RNF213: variants seen among roughly 807,000 people sequenced by gnomAD.
RNF213 encodes E3 ubiquitin-protein ligase RNF213.
RNF213 carries 341 observed loss-of-function variants against 514.4 expected under a neutral mutation model. That is an observed-to-expected ratio of 0.66 (90% CI 0.61 to 0.73). RNF213 has a LOEUF of 0.73. Among genes scored for constraint, RNF213 ranks in the 30% least tolerant of loss-of-function variants. The pLI is 0.00. For missense variants in RNF213, 5,767 were observed against 6,615.6 expected (o/e 0.87, Z 4.45); for synonymous variants, 2,655 against 2,658.2 (o/e 1.00, Z 0.04).
intron 17 of RNF213, among the ~76,000 whole-genome samples, chr17:80,323,207 A>G (rs1031857575): frequency 8.5e-5 from 13 of 152,062 alleles, no homozygotes; most frequent in African/African-American, 3.1e-4. Context: ...ACATGTATGG[A>G]TTTATTTCTA....
At chr17:80,369,206 C>T (rs1286714036) in intron 44 of RNF213, among the ~76,000 whole-genome samples, 1 of 152,120 alleles carries the variant, frequency 6.6e-6, no homozygotes, top group African/African-American at 2.4e-5. Context: ...CGAAACCAGC[C>T]TGGCCAACAC....
chr17:80,278,664 A>T, intron 3 of RNF213: 1 of 1,443,884 alleles, frequency 6.9e-7, no homozygotes, highest in South Asian at 1.3e-5. Flanking sequence ...GGGCCTTCCC[A>T]AGAGGAGGTG....
chr17:80,391,432 A>T (rs1310415158), intron 67 of RNF213, among the ~76,000 whole-genome samples: 1 of 152,018 alleles, frequency 6.6e-6, no homozygotes, highest in Non-Finnish European at 1.5e-5. Context: ...CATCACGCCC[A>T]GCTAATTTTT....
intron 7 of RNF213, among the ~76,000 whole-genome samples, chr17:80,291,279 T>C (rs1313906133): frequency 6.6e-6 from 1 of 151,172 alleles, no homozygotes; most frequent in Non-Finnish European, 1.5e-5. Context: ...TTTTTTTTTT[T>C]AGAGAGGGGA....
At chr17:80,375,102 AAG>A (rs1159961186) in intron 50 of RNF213, 2 of 175,570 alleles carry the variant, frequency 1.1e-5, no homozygotes, top group African/African-American at 4.8e-5. Context: ...GTGCCAGGAA[AAG>A]AGGAAATGGA....
chr17:80,384,865 T>C, intron 59 of RNF213, 174 bp from the exon 60 acceptor site: 2 of 723,812 alleles, frequency 2.8e-6, no homozygotes, highest in Non-Finnish European at 4.8e-6. Context: ...GCACTGTCTG[T>C]AGACTTGTGG....
intron 10 of RNF213, among the ~76,000 whole-genome samples, chr17:80,297,014 G>T (rs917064933): frequency 6.6e-6 from 1 of 151,892 alleles, no homozygotes; most frequent in Non-Finnish European, 1.5e-5. Flanking sequence ...AATAAACGCC[G>T]CACATTTTGA....
At chr17:80,332,769 C>T (rs115969944) in intron 21 of RNF213, 138 bp downstream of exon 21, 2 of 997,600 alleles carry the variant, frequency 2.0e-6, no homozygotes, top group Non-Finnish European at 2.8e-6. Flanking sequence ...GTGTGTGGTA[C>T]TTGAGGCCTG....
rs769500234 is a variant in RNF213 at position 80,380,990 on chromosome 17, A to G, written c.13797+3A>G. 1.2e-6 allele frequency: 2 copies of G among 1,614,180 alleles called. No individual in the cohort carries two copies. The highest frequency in any genetic ancestry group is 1.7e-6 in the Non-Finnish European group (2 of 1,180,012). ...TGGGAGCGTCCCAGAGTTCCCAGGTATAACCCAGTGCTGCCAAACAATGGG... is the reference window on the plus strand; with the variant it reads ...TGGGAGCGTCCCAGAGTTCCCAGGTGTAACCCAGTGCTGCCAAACAATGGG... On this transcript the variant is annotated splice_donor_region_variant and intron_variant, in intron 56 of 67. Coordinates refer to ENST00000582970, the MANE Select transcript of RNF213 (RefSeq NM_001256071.3).
In RNF213 at chr17:80,374,599, G is replaced by A; in HGVS notation, c.13074+10G>A. On this transcript the variant is annotated intron_variant, in intron 50 of 67. Coordinates refer to ENST00000582970, the MANE Select transcript of RNF213 (RefSeq NM_001256071.3). ...TAAGACTGCTCTGAAGGTAGGATGGGCCCGTGGCTTCTCTCTGATACCAGG... is the reference window on the plus strand; with the variant it reads ...TAAGACTGCTCTGAAGGTAGGATGGACCCGTGGCTTCTCTCTGATACCAGG... 1 of 1,613,996 alleles carries A rather than the reference G, an allele frequency of 6.2e-7. No individual in the cohort carries two copies. The highest frequency in any genetic ancestry group is 8.5e-7 in the Non-Finnish European group (1 of 1,179,928).
intron 3 of RNF213, among the ~76,000 whole-genome samples, chr17:80,280,044 C>T (rs2044203227): frequency 6.6e-6 from 1 of 152,198 alleles, no homozygotes; most frequent in African/African-American, 2.4e-5. Flanking sequence ...TCCACCACGC[C>T]TAGGTCTTAA....
intron 6 of RNF213, 145 bp from the exon 7 acceptor site, chr17:80,290,425 G>A: frequency 2.3e-6 from 2 of 861,370 alleles, no homozygotes; most frequent in Non-Finnish European, 3.6e-6. Flanking sequence ...GTGTGTGCGA[G>A]TGTGCGCGTG....
Position 80,317,365 on chromosome 17 carries a change from A to G in RNF213, c.2901+88A>G, listed in dbSNP as rs748500875. On this transcript the variant is annotated intron_variant, in intron 16 of 67. Transcript: ENST00000582970. The surrounding 1 kb of genome is among the most constrained non-coding windows in gnomAD (Gnocchi z 4.1). ...TTAGCGACAGCCAAGAGATCTCAGC[A>G]GTGCCTCTCTGTGGGCAGGGATGGG... 3 of 1,184,648 alleles carry G rather than the reference A, an allele frequency of 2.5e-6. No homozygotes were observed. The highest frequency in any genetic ancestry group is 3.7e-6 in the Non-Finnish European group (3 of 805,416). The allele number at this position is 1,184,648 out of a possible 1,614,324, so 73.4% of individuals were successfully genotyped here.
intron 8 of RNF213, among the ~76,000 whole-genome samples, chr17:80,293,441 A>G (rs1339555431): frequency 6.6e-6 from 1 of 152,194 alleles, no homozygotes; most frequent in Non-Finnish European, 1.5e-5. Context: ...GTAATTCCAT[A>G]TATAAATACA....
At chr17:80,331,857 C>A in intron 20 of RNF213, 149 bp from the exon 21 acceptor site, 1 of 913,386 alleles carries the variant, frequency 1.1e-6, no homozygotes, top group Non-Finnish European at 1.6e-6. Flanking sequence ...AGGGAAAGAC[C>A]TGTGAACTCT....
chr17:80,379,763 T>C, intron 55 of RNF213, 49 bp downstream of exon 55: 1 of 1,499,362 alleles, frequency 6.7e-7, no homozygotes. Context: ...TTTGGGGTGT[T>C]GGGCTGTTTT....
Position 80,318,075 on chromosome 17 carries a change from C to T in RNF213, c.2901+798C>T, listed in dbSNP as rs890568934. ...TCAGGACGTCTTTCCGAAGTTAAAC[C>T]GTCTCTCCTTGGAAGTCCAGCCATC... On this transcript the variant is annotated intron_variant, in intron 16 of 67. Coordinates refer to ENST00000582970, the MANE Select transcript of RNF213 (RefSeq NM_001256071.3). 3.9e-5 allele frequency among the ~76,000 whole-genome samples: 6 copies of T among 152,222 alleles called. No individual in the cohort carries two copies. In the East Asian group the frequency reaches 7.7e-4, roughly 20 times the overall value.
intron 10 of RNF213, among the ~76,000 whole-genome samples, chr17:80,296,681 A>G (rs562436110): frequency 6.6e-6 from 1 of 152,184 alleles, no homozygotes; most frequent in East Asian, 1.9e-4. Flanking sequence ...AGTTTTACAC[A>G]TTTATTTATT....
intron 44 of RNF213, among the ~76,000 whole-genome samples, chr17:80,368,906 C>T (rs544900287): frequency 1.2e-4 from 19 of 152,338 alleles, no homozygotes; most frequent in African/African-American, 4.6e-4. Context: ...TTCCCCCCTT[C>T]TCAGGCCTCC....
Sources: allele counts gnomAD v4.1 joint callset (sites outside exome capture counted in the v4.1 genomes callset), GRCh38; gene constraint gnomAD v4.1.1; non-coding constraint Gnocchi (gnomAD v3.1); transcripts MANE v1.5; gene names NCBI Gene and HGNC (gene_info 2026-07-23, HGNC 2026-07-21).